Variants in HAPLN2 observed in about 807,000 individuals in gnomAD.
HAPLN2 encodes hyaluronan and proteoglycan link protein 2.
In HAPLN2, 27 loss-of-function variants were observed where a neutral mutation model predicts 29.3. That is an observed-to-expected ratio of 0.92 (90% CI 0.68 to 1.27). The LOEUF (loss-of-function observed/expected upper bound fraction) is 1.27, where lower values mean the gene tolerates loss of function less well. Among genes scored for constraint, HAPLN2 ranks in the 50% most tolerant of loss-of-function variants. The probability of loss-of-function intolerance (pLI) is 0.00; values close to 1 mark genes in which losing one functional copy is unlikely to be tolerated. For synonymous variants in HAPLN2, 208 were observed against 211.7 expected (o/e 0.98, Z 0.15); for missense variants, 454 against 484.3 (o/e 0.94, Z 0.59).
upstream of HAPLN2, among the ~76,000 whole-genome samples, chr1:156,615,737 A>C (rs1200179411): frequency 6.6e-6 from 1 of 151,920 alleles, no homozygotes; most frequent in Non-Finnish European, 1.5e-5. Flanking sequence ...TGCCCGGCTA[A>C]CTTTTTGTAT....
chr1:156,610,356 G>A, the HAPLN2 span, among the ~76,000 whole-genome samples: 1 of 152,108 alleles, frequency 6.6e-6, no homozygotes, highest in African/African-American at 2.4e-5. Context: ...CAAAGTAGGA[G>A]GCCAGGCGCG....
At chr1:156,623,042 AAATAAATAAATAAAT>A (rs1557975788) in intron 2 of HAPLN2, among the ~76,000 whole-genome samples, 1 of 121,530 alleles carries the variant, frequency 8.2e-6, no homozygotes, top group Non-Finnish European at 1.6e-5. Context: ...TCAAAAAAAT[AAATAAATAAATAAAT>A]AAATAAATAA....
At chr1:156,613,943 A>AG in the HAPLN2 span, among the ~76,000 whole-genome samples, 1 of 151,330 alleles carries the variant, frequency 6.6e-6, no homozygotes, top group South Asian at 2.2e-4. Flanking sequence ...GAAGAAAAGA[A>AG]AAAAGAAAAA....
At chr1:156,616,525 A>C (rs1571412304), upstream of HAPLN2, among the ~76,000 whole-genome samples, 1 of 152,318 alleles carries the variant, frequency 6.6e-6, no homozygotes, top group East Asian at 1.9e-4. Context: ...TTGTGGAGAA[A>C]GGAACAGTAA....
upstream of HAPLN2, among the ~76,000 whole-genome samples, chr1:156,618,154 T>C (rs1469895687): frequency 6.6e-6 from 1 of 151,676 alleles, no homozygotes; most frequent in Non-Finnish European, 1.5e-5. Flanking sequence ...AAAAATTATC[T>C]TGGCGTGGTG....
chr1:156,625,167 GCGC>G lies in HAPLN2; in HGVS notation c.809_811del (p.Ala270del), dbSNP rs1678406845. The stretch of plus-strand genomic sequence containing the variant: ...GCCCACGCGGCGTGCCGGCGACGCG[GCGC>G]CGTGGTGGCCAAGGTTGGGCACCTC... On this transcript the variant is annotated inframe_deletion, in exon 7 of 7. Coordinates refer to ENST00000255039, the MANE Select transcript of HAPLN2 (RefSeq NM_021817.3). The surrounding 1 kb of genome is among the most constrained non-coding windows in gnomAD (Gnocchi z 5.7). 1 of 1,545,150 alleles carries G rather than the reference GCGC, an allele frequency of 6.5e-7. No individual in the cohort carries two copies.
chr1:156,602,128 AG>A, the HAPLN2 span, among the ~76,000 whole-genome samples: 1 of 151,984 alleles, frequency 6.6e-6, no homozygotes, highest in Admixed American at 6.6e-5. Flanking sequence ...TTTGTAGAGA[AG>A]GGGTCTTGCC....
At chr1:156,615,731 C>T (rs542838965), upstream of HAPLN2, among the ~76,000 whole-genome samples, 8 of 152,044 alleles carry the variant, frequency 5.3e-5, no homozygotes, top group South Asian at 2.1e-4. Flanking sequence ...TCATCATGCC[C>T]GGCTAACTTT....
At chr1:156,603,209 T>C in the HAPLN2 span, among the ~76,000 whole-genome samples, 3 of 146,044 alleles carry the variant, frequency 2.1e-5, no homozygotes, top group African/African-American at 7.7e-5. Flanking sequence ...TTGTGTGACC[T>C]TGAACAATTT....
chr1:156,622,021 T>C (rs1351427479), intron 2 of HAPLN2, among the ~76,000 whole-genome samples: 1 of 152,130 alleles, frequency 6.6e-6, no homozygotes, highest in Non-Finnish European at 1.5e-5. Flanking sequence ...GATAATTGCA[T>C]TTGAAGTAGT....
intron 6 of HAPLN2, 141 bp downstream of exon 6, chr1:156,624,924 C>A: frequency 9.4e-7 from 1 of 1,063,290 alleles, no homozygotes; most frequent in Non-Finnish European, 1.3e-6. Context: ...CCCGCCCGCC[C>A]AGGCTCCAGC....
At chr1:156,624,323 C>T (rs1488331551) in intron 4 of HAPLN2, 28 bp from the exon 5 acceptor site, 2 of 1,576,598 alleles carry the variant, frequency 1.3e-6, no homozygotes, top group Non-Finnish European at 1.7e-6. Context: ...ATCCGCTGGC[C>T]CTCCCCAGGA....
intron 6 of HAPLN2, 119 bp from the exon 7 acceptor site, chr1:156,624,982 C>T: frequency 7.6e-7 from 1 of 1,322,638 alleles, no homozygotes; most frequent in African/African-American, 1.5e-5. Context: ...CCCCCAACTC[C>T]TCTTACCCAA....
intron 6 of HAPLN2, 107 bp from the exon 7 acceptor site, chr1:156,624,994 C>A: frequency 1.5e-6 from 2 of 1,371,828 alleles, no homozygotes; most frequent in South Asian, 1.4e-5. Context: ...CTTACCCAAG[C>A]TCGATCCAGC....
At chr1:156,624,578 C>T (rs756972963) in intron 5 of HAPLN2, 23 bp from the exon 6 acceptor site, 4 of 1,608,490 alleles carry the variant, frequency 2.5e-6, no homozygotes, top group Non-Finnish European at 3.4e-6. Context: ...CTCTTATCCC[C>T]GACCTCCGCC....
chr1:156,621,576 C>G (rs1271764167), intron 2 of HAPLN2, among the ~76,000 whole-genome samples: 1 of 151,586 alleles, frequency 6.6e-6, no homozygotes. Context: ...GTTTCTACTA[C>G]AAATACAAAA....
Position 156,624,481 on chromosome 1 carries a change from C to CCCAGTT in HAPLN2, c.556+18_556+19insTTCCAG. 6.2e-7 allele frequency: 1 copy of CCCAGTT among 1,610,640 alleles called. No individual in the cohort carries two copies. Among genetic ancestry groups the CCCAGTT allele is most frequent in the Non-Finnish European group, 8.5e-7 (1 of 1,177,950 alleles). The stretch of plus-strand genomic sequence containing the variant: ...AGCTCTACCAGGGTGAGCGGCCGAA[C>CCCAGTT]CCAGCACTTCCCAAGCCCCGCGGAG... On this transcript the variant is annotated intron_variant, in intron 5 of 6. Transcript: ENST00000255039.
chr1:156,616,673 T>A (rs937845367), upstream of HAPLN2, among the ~76,000 whole-genome samples: 4 of 152,076 alleles, frequency 2.6e-5, no homozygotes, highest in East Asian at 1.9e-4. Context: ...GGGTGTCCTG[T>A]CCAAGGAGAC....
chr1:156,623,926 C>A lies in HAPLN2; in HGVS notation c.205C>A (p.Arg69Ser), dbSNP rs1292285601. ...CACCACGCCTCCCAGCTACAAGGTG[C>A]GCTGGAGCAAGGTGGAGCCTGGGGA... The part of the protein sequence containing the change: ...LGTTPPSYKV[R>S]WSKVEPGELR... The change falls in exon 4 of 7, where the codon CGC becomes AGC. Residue 69 changes from arginine (R) to serine (S), a missense_variant. Transcript: ENST00000255039. 3.7e-6 allele frequency: 6 copies of A among 1,606,218 alleles called. No individual in the cohort carries two copies. The highest frequency in any genetic ancestry group is 8.5e-7 in the Non-Finnish European group (1 of 1,176,426).
Sources: allele counts gnomAD v4.1 joint callset (sites outside exome capture counted in the v4.1 genomes callset), GRCh38; gene constraint gnomAD v4.1.1; non-coding constraint Gnocchi (gnomAD v3.1); transcripts MANE v1.5; gene names NCBI Gene and HGNC (gene_info 2026-07-23, HGNC 2026-07-21).